BICRA: variants seen among roughly 807,000 people sequenced by gnomAD.
The protein encoded by BICRA is BRD4-interacting chromatin-remodeling complex-associated protein.
Under a neutral mutation model 96.9 loss-of-function variants are expected in BICRA, and 31 were observed. The ratio of observed to expected loss-of-function variants is 0.32; its 90% CI spans 0.24 to 0.43. The LOEUF (loss-of-function observed/expected upper bound fraction) is 0.43, where lower values mean the gene tolerates loss of function less well. Among genes scored for constraint, BICRA ranks in the 20% least tolerant of loss-of-function variants. The pLI is 1.00. For missense variants in BICRA, 2,283 were observed against 2,190.3 expected (o/e 1.04, Z -0.84); for synonymous variants, 1,350 against 1,071.8 (o/e 1.26, Z -5.07).
chr19:47,612,593 G>A (rs937799823), intron 1 of BICRA, among the ~76,000 whole-genome samples: 2 of 152,038 alleles, frequency 1.3e-5, no homozygotes, highest in African/African-American at 2.4e-5. Flanking sequence ...TTACCCATGC[G>A]GAATACATGC....
Position 47,701,072 on chromosome 19 carries a change from G to T in BICRA, c.3596-256G>T. The T allele has an allele frequency of 1.9e-6, 1 of 526,732 alleles. No homozygotes were observed. The highest frequency in any genetic ancestry group is 3.3e-6 in the Non-Finnish European group (1 of 300,030). 32.6% of individuals were successfully genotyped at this position (526,732 alleles called of 1,614,324 possible). On this transcript the variant is annotated intron_variant, in intron 14 of 14. Coordinates refer to ENST00000594866, the MANE Select transcript of BICRA (RefSeq NM_001394372.1). This position sits in a 1 kb window ranked among gnomAD's most constrained non-coding sequence, Gnocchi z 5.4. ...GGATTACAGGCCTGAGCCTTGTTTT[G>T]TATTCTCTTAATTTACTTATGTCTG...
chr19:47,668,488 T>TC (rs1972816557), intron 1 of BICRA, among the ~76,000 whole-genome samples: 1 of 39,266 alleles, frequency 2.5e-5, no homozygotes, highest in East Asian at 0.011. Context: ...TTTGTGAGTC[T>TC]TTTTTTTTTT....
intron 1 of BICRA, among the ~76,000 whole-genome samples, chr19:47,623,589 G>T (rs747767442): frequency 6.6e-6 from 1 of 152,184 alleles, no homozygotes; most frequent in Non-Finnish European, 1.5e-5. Flanking sequence ...AGCCGGTGCT[G>T]TGCCTTCAGG....
At chr19:47,657,574 T>G (rs1407037497) in intron 1 of BICRA, among the ~76,000 whole-genome samples, 1 of 151,896 alleles carries the variant, frequency 6.6e-6, no homozygotes, top group Non-Finnish European at 1.5e-5. Flanking sequence ...TATTTTGTAT[T>G]TTTAGTAAAG....
At chr19:47,674,438 T>C (rs892057510) in intron 4 of BICRA, among the ~76,000 whole-genome samples, 1 of 152,024 alleles carries the variant, frequency 6.6e-6, no homozygotes, top group Non-Finnish European at 1.5e-5. Flanking sequence ...CGGAACAAAA[T>C]GGGGAAAAGT....
At chr19:47,644,055 C>T (rs1972421522) in intron 1 of BICRA, among the ~76,000 whole-genome samples, 1 of 152,090 alleles carries the variant, frequency 6.6e-6, no homozygotes, top group South Asian at 2.1e-4. Flanking sequence ...GTCTTGCTCT[C>T]TTGCCCAGGC....
At chr19:47,619,001 A>G (rs577171590) in intron 1 of BICRA, among the ~76,000 whole-genome samples, 3 of 152,230 alleles carry the variant, frequency 2.0e-5, no homozygotes, top group Admixed American at 2.0e-4. Flanking sequence ...ATCACCTGGC[A>G]CGCATAGTGT....
intron 1 of BICRA, among the ~76,000 whole-genome samples, chr19:47,626,873 C>G (rs981510993): frequency 2.6e-5 from 4 of 151,886 alleles, no homozygotes; most frequent in African/African-American, 4.8e-5. Flanking sequence ...AGGCGCCCAC[C>G]ACCACACCCA....
At chr19:47,695,731 G>A (rs575836726) in intron 10 of BICRA, among the ~76,000 whole-genome samples, 1 of 152,240 alleles carries the variant, frequency 6.6e-6, no homozygotes, top group East Asian at 1.9e-4. Context: ...ACAGTGTAAG[G>A]GACTATGACT....
At position 47,702,139 on chromosome 19, in the gene BICRA, G is replaced by A; in HGVS notation, c.4407G>A (p.Leu1469=). 1 of 1,545,478 alleles carries A rather than the reference G, an allele frequency of 6.5e-7. No individual in the cohort carries two copies. The highest frequency in any genetic ancestry group is 1.9e-5 in the Admixed American group (1 of 51,976). ...TGDPDWEAPG[L]PPAKRRKSES... is the part of the protein sequence containing the mutation. ...ACCCCGACTGGGAGGCGCCCGGGCT[G>A]CCCCCTGCCAAGCGGCGCAAGTCCG... The change falls in exon 15 of 15, where the codon CTG becomes CTA. Residue 1469 remains leucine, a synonymous_variant. Coordinates refer to ENST00000594866, the MANE Select transcript of BICRA (RefSeq NM_001394372.1).
At chr19:47,626,609 T>A (rs1425677387) in intron 1 of BICRA, among the ~76,000 whole-genome samples, 2 of 146,196 alleles carry the variant, frequency 1.4e-5, no homozygotes, top group Admixed American at 1.4e-4. Flanking sequence ...GGTCTTGCCA[T>A]GTTGCCCAGG....
chr19:47,608,650 G>A (rs1971844596), upstream of BICRA, among the ~76,000 whole-genome samples: 1 of 151,974 alleles, frequency 6.6e-6, no homozygotes, highest in South Asian at 2.1e-4. Flanking sequence ...GAGCAGGCGC[G>A]CCCCTGAACC....
chr19:47,654,517 T>C (rs1048026597), intron 1 of BICRA, among the ~76,000 whole-genome samples: 6 of 152,182 alleles, frequency 3.9e-5, no homozygotes, highest in African/African-American at 1.4e-4. Context: ...AGTCTCGTTC[T>C]GTCACCCAGG....
At chr19:47,672,102 TGGATGGAA>T (rs1972874321) in intron 2 of BICRA, among the ~76,000 whole-genome samples, 2 of 103,882 alleles carry the variant, frequency 1.9e-5, no homozygotes, top group Non-Finnish European at 3.9e-5. Context: ...GGTAGGTAGA[TGGATGGAA>T]GGATGGAGGA....
chr19:47,687,752 G>A (rs969607219), intron 7 of BICRA, among the ~76,000 whole-genome samples: 2 of 150,318 alleles, frequency 1.3e-5, no homozygotes, highest in Non-Finnish European at 3.0e-5. Context: ...AGTGAGCCTA[G>A]AGAGGGTTGC....
intron 1 of BICRA, among the ~76,000 whole-genome samples, chr19:47,649,155 T>A (rs1177264415): frequency 6.6e-6 from 1 of 152,010 alleles, no homozygotes; most frequent in Non-Finnish European, 1.5e-5. Flanking sequence ...CCGGCCTAAT[T>A]TTTGTATTTT....
intron 1 of BICRA, among the ~76,000 whole-genome samples, chr19:47,619,976 A>G (rs1264882756): frequency 6.6e-6 from 1 of 152,196 alleles, no homozygotes; most frequent in Non-Finnish European, 1.5e-5. Flanking sequence ...TCCCAGAAGC[A>G]GTCACTGGCT....
intron 1 of BICRA, chr19:47,615,788 G>A (rs1971975923): frequency 6.6e-6 from 1 of 152,112 alleles, no homozygotes; most frequent in Admixed American, 6.6e-5. Context: ...TGTGACCCTG[G>A]GCAAGCAATT....
intron 3 of BICRA, 41 bp from the exon 4 acceptor site, chr19:47,673,679 A>T (rs1442572938): frequency 9.3e-7 from 1 of 1,079,030 alleles, no homozygotes; most frequent in Non-Finnish European, 1.3e-6. Flanking sequence ...TCCCCTCCCC[A>T]GCTCCTTACC....
Sources: gnomAD v4.1 joint callset for allele counts (sites outside exome capture counted in the v4.1 genomes callset) on GRCh38, gnomAD v4.1.1 for gene constraint, Gnocchi (gnomAD v3.1) non-coding constraint, MANE v1.5 for transcripts, NCBI Gene and HGNC (gene_info 2026-07-23, HGNC 2026-07-21) for gene names.